CREB5: variants seen among roughly 807,000 people sequenced by gnomAD.
CREB5 encodes the protein cyclic AMP-responsive element-binding protein 5.
CREB5 carries 19 observed loss-of-function variants against 57.1 expected under a neutral mutation model. That is an observed-to-expected ratio of 0.33 (90% CI 0.23 to 0.49). CREB5 has a LOEUF of 0.49. CREB5 is among the 20% of genes least tolerant of loss of function. CREB5 has a pLI of 0.99. For missense variants in CREB5, 579 were observed against 671.6 expected (o/e 0.86, Z 1.52); for synonymous variants, 238 against 238.3 (o/e 1.00, Z 0.01).
At chr7:28,809,004 C>T (rs1260480789) in intron 8 of CREB5, among the ~76,000 whole-genome samples, 183 bp from the exon 9 acceptor site, 7 of 152,102 alleles carry the variant, frequency 4.6e-5, no homozygotes, top group African/African-American at 1.7e-4. Flanking sequence ...GTCAGTGATG[C>T]TTTTCCTTTT....
intron 1 of CREB5, among the ~76,000 whole-genome samples, chr7:28,455,258 T>G (rs1790041783): frequency 6.6e-6 from 1 of 152,094 alleles, no homozygotes; most frequent in Non-Finnish European, 1.5e-5. Flanking sequence ...CTGCAGGAGC[T>G]GTGGAGATGG....
intron 5 of CREB5, among the ~76,000 whole-genome samples, chr7:28,714,461 G>A (rs982492510): frequency 7.2e-5 from 11 of 152,278 alleles, no homozygotes; most frequent in Admixed American, 5.2e-4. Context: ...AGGACAGCAG[G>A]GTGGAGAGAC....
chr7:28,818,435 A>G (rs1260483955), intron 10 of CREB5, among the ~76,000 whole-genome samples: 1 of 152,190 alleles, frequency 6.6e-6, no homozygotes, highest in Admixed American at 6.5e-5. Context: ...CAAAAGAAAT[A>G]CCAAATTCCA....
At chr7:28,710,352 A>T (rs762173920) in intron 5 of CREB5, among the ~76,000 whole-genome samples, 9 of 152,216 alleles carry the variant, frequency 5.9e-5, no homozygotes, top group Non-Finnish European at 7.3e-5. Context: ...TTAATAAAAG[A>T]CATATTTATT....
chr7:28,742,653 A>G (rs1029887252), intron 7 of CREB5, among the ~76,000 whole-genome samples: 5 of 152,130 alleles, frequency 3.3e-5, no homozygotes, highest in African/African-American at 9.7e-5. Flanking sequence ...ATTGTCTGAC[A>G]TTTTTGTCCA....
chr7:28,678,430 C>T lies in CREB5; in HGVS notation c.465-40323C>T, dbSNP rs147178439. Among the ~76,000 whole-genome samples the T allele has an allele frequency of 4.2e-3, 634 of 152,104 alleles. 8 individuals carry two copies. Among genetic ancestry groups the T allele is most frequent in the African/African-American group, 0.015 (602 of 41,502 alleles). ...AATAAAAATAAAAGGAAAATACAAG[C>T]CTGCATTATTTATAAATCATATAGT... On this transcript the variant is annotated intron_variant, in intron 5 of 10. Coordinates refer to ENST00000357727, the MANE Select transcript of CREB5 (RefSeq NM_182898.4).
chr7:28,713,621 T>G (rs928452166), intron 5 of CREB5, among the ~76,000 whole-genome samples: 5 of 152,224 alleles, frequency 3.3e-5, no homozygotes, highest in Non-Finnish European at 7.3e-5. Context: ...CTGTGGTTGC[T>G]GCAGTGAGCA....
At chr7:28,753,538 T>A (rs1209455434) in intron 7 of CREB5, among the ~76,000 whole-genome samples, 1 of 152,200 alleles carries the variant, frequency 6.6e-6, no homozygotes, top group Non-Finnish European at 1.5e-5. Context: ...AGGAAGATAT[T>A]TCTGAGAAAA....
rs1562798174 is a variant in CREB5, at chr7:28,560,969, T to TGTGCGCGCGTGTGCGTGCGTGCGC, written c.292-9391_292-9390insCGCGTGTGCGTGCGTGCGCGTGCG. 5.2e-4 allele frequency among the ~76,000 whole-genome samples: 13 copies of TGTGCGCGCGTGTGCGTGCGTGCGC among 24,974 alleles called. 3 individuals carry two copies. Among genetic ancestry groups the TGTGCGCGCGTGTGCGTGCGTGCGC allele is most frequent in the African/African-American group, 1.1e-4 (1 of 9,392 alleles). The allele number at this position is 24,974 out of a possible 152,430, so 16.4% of individuals were successfully genotyped here. On this transcript the variant is annotated intron_variant, in intron 4 of 10. Coordinates refer to ENST00000357727, the MANE Select transcript of CREB5 (RefSeq NM_182898.4). ...GTGTGTGCGTGTGTGTGCGTGTGTG[T>TGTGCGCGCGTGTGCGTGCGTGCGC]GTGCGTGTGTGCGTGCGTGTGTGTG...
At chr7:28,583,236 T>C (rs897253965) in intron 5 of CREB5, among the ~76,000 whole-genome samples, 1 of 152,190 alleles carries the variant, frequency 6.6e-6, no homozygotes, top group Admixed American at 6.5e-5. Context: ...TTTTTCTCTA[T>C]GTACCACAAA....
At chr7:28,312,548 C>T (rs1785300326) in intron 1 of CREB5, among the ~76,000 whole-genome samples, 2 of 152,128 alleles carry the variant, frequency 1.3e-5, no homozygotes, top group East Asian at 3.8e-4. Flanking sequence ...AACGTGGGTG[C>T]TGAGTCTGGC....
At chr7:28,338,779 C>T (rs964740414) in intron 1 of CREB5, among the ~76,000 whole-genome samples, 5 of 152,014 alleles carry the variant, frequency 3.3e-5, no homozygotes, top group Admixed American at 3.3e-4. Context: ...GTTATTTTCT[C>T]GATCTGGTAG....
At chr7:28,320,890 G>A (rs1439958635) in intron 1 of CREB5, among the ~76,000 whole-genome samples, 1 of 152,216 alleles carries the variant, frequency 6.6e-6, no homozygotes, top group African/African-American at 2.4e-5. Flanking sequence ...CCAAGGTGCA[G>A]GTGCAAGTAT....
chr7:28,426,900 T>C (rs1788531124), intron 1 of CREB5, among the ~76,000 whole-genome samples: 1 of 152,166 alleles, frequency 6.6e-6, no homozygotes, highest in African/African-American at 2.4e-5. Context: ...CAAATTAATT[T>C]TGCATGAACT....
chr7:28,731,932 A>T (rs1803657403), intron 7 of CREB5, among the ~76,000 whole-genome samples: 1 of 152,128 alleles, frequency 6.6e-6, no homozygotes, highest in African/African-American at 2.4e-5. Context: ...TGAGGATTTC[A>T]TCCCTTGGCA....
chr7:28,425,252 A>G (rs1788454412), intron 1 of CREB5, among the ~76,000 whole-genome samples: 1 of 152,182 alleles, frequency 6.6e-6, no homozygotes, highest in Non-Finnish European at 1.5e-5. Flanking sequence ...TATATTGAAA[A>G]ATTACTTGGT....
At position 28,522,301 on chromosome 7, in the gene CREB5, G is replaced by A. The variant is rs185279248; in HGVS notation, c.291+14564G>A. ...ATATAATTTACTTGAAAAAATGTCCGGTGGAAGCTTTTGCAGAACATCAAG... is the reference window on the plus strand; with the variant it reads ...ATATAATTTACTTGAAAAAATGTCCAGTGGAAGCTTTTGCAGAACATCAAG... On this transcript the variant is annotated intron_variant, in intron 4 of 10. Transcript: ENST00000357727. Among the ~76,000 whole-genome samples the A allele has an allele frequency of 7.0e-3, 1,066 of 151,860 alleles. 11 individuals are homozygous for A. Among genetic ancestry groups the A allele is most frequent in the South Asian group, 0.053 (252 of 4,790 alleles).
intron 5 of CREB5, among the ~76,000 whole-genome samples, chr7:28,608,888 T>G (rs778562865): frequency 1.3e-5 from 2 of 152,200 alleles, no homozygotes; most frequent in African/African-American, 2.4e-5. Flanking sequence ...TCTTCTTAAA[T>G]TATCTTAATT....
At chr7:28,382,861 C>G (rs966265293) in intron 1 of CREB5, among the ~76,000 whole-genome samples, 41 of 151,940 alleles carry the variant, frequency 2.7e-4, no homozygotes, top group African/African-American at 9.7e-4. Flanking sequence ...AGCTTTGTCC[C>G]TTTCTCCCAA....
Sources: allele counts gnomAD v4.1 joint callset (sites outside exome capture counted in the v4.1 genomes callset), GRCh38; gene constraint gnomAD v4.1.1; transcripts MANE v1.5; gene names NCBI Gene and HGNC (gene_info 2026-07-23, HGNC 2026-07-21).